Variants in PRICKLE2 observed in about 807,000 individuals in gnomAD.
The protein encoded by PRICKLE2 is prickle planar cell polarity protein 2.
A neutral mutation model predicts 81.4 loss-of-function variants in PRICKLE2; 21 were observed. The ratio of observed to expected loss-of-function variants is 0.26; its 90% confidence interval spans 0.18 to 0.37. The LOEUF (loss-of-function observed/expected upper bound fraction) is 0.37, where lower values mean the gene tolerates loss of function less well. PRICKLE2 is among the 10% of genes least tolerant of loss of function. PRICKLE2 has a pLI of 1.00. For missense variants in PRICKLE2, 940 were observed against 1,109.0 expected (o/e 0.85, Z 2.16); for synonymous variants, 456 against 421.5 (o/e 1.08, Z -1.00).
chr3:64,163,456 C>A (rs1412925477), intron 2 of PRICKLE2: 1 of 385,796 alleles, frequency 2.6e-6, no homozygotes, highest in Non-Finnish European at 4.9e-6. Context: ...CCCCTGAGAG[C>A]TGGCTTTACC....
rs1395083329 is a variant in PRICKLE2 at position 64,098,586 on chromosome 3, G to C, written c.*465C>G. ...AGTCCTACGATATAGAAATTCCTTT[G>C]ATATTACAAAATACAAAAATATTTT... is the stretch of plus-strand genomic sequence containing the variant. On this transcript the variant is annotated 3_prime_UTR_variant, in exon 8 of 8. Transcript: ENST00000638394. 1 of 175,588 alleles carries C rather than the reference G, an allele frequency of 5.7e-6. No homozygotes were observed. 10.9% of individuals were successfully genotyped at this position (175,588 alleles called of 1,614,324 possible).
At chr3:64,139,101 G>C (rs1259891271) in intron 7 of PRICKLE2, among the ~76,000 whole-genome samples, 2 of 152,160 alleles carry the variant, frequency 1.3e-5, no homozygotes, top group Non-Finnish European at 2.9e-5. Context: ...TTCCCAGTTT[G>C]TCAGCAATGC....
chr3:64,147,962 G>T lies in PRICKLE2; in HGVS notation c.788-260C>A, dbSNP rs954211881. On this transcript the variant is annotated intron_variant, in intron 6 of 7. Transcript: ENST00000638394. This position sits in a 1 kb window ranked among gnomAD's most constrained non-coding sequence, Gnocchi z 5.0. ...AAATGGCTTGTCTATGAATCCTTCT[G>T]CCTGGGACACATTTCCCCCTGACAA... 1.3e-5 allele frequency among the ~76,000 whole-genome samples: 2 copies of T among 152,174 alleles called. No homozygotes were observed. The highest frequency in any genetic ancestry group is 4.8e-5 in the African/African-American group (2 of 41,426).
intron 7 of PRICKLE2, among the ~76,000 whole-genome samples, chr3:64,141,265 A>G (rs558480344): frequency 4.4e-4 from 67 of 152,324 alleles, no homozygotes; most frequent in Non-Finnish European, 7.2e-4. Context: ...AGAATGCCCA[A>G]GTTTAAATTC....
chr3:64,260,598 A>T (rs890910833), intron 2 of PRICKLE2, among the ~76,000 whole-genome samples: 1 of 152,200 alleles, frequency 6.6e-6, no homozygotes, highest in Non-Finnish European at 1.5e-5. Flanking sequence ...ACCATGGCTT[A>T]TGGGTTTTCA....
intron 1 of PRICKLE2, among the ~76,000 whole-genome samples, chr3:64,215,800 A>T (rs4994608): frequency 0.53 from 81,311 of 152,146 alleles, 23,892 homozygotes; most frequent in Non-Finnish European, 0.65. Flanking sequence ...ATGTACCATA[A>T]CTATAGTGTA....
intron 4 of PRICKLE2, among the ~76,000 whole-genome samples, chr3:64,159,393 A>C (rs1156621609): frequency 5.9e-5 from 9 of 152,210 alleles, no homozygotes; most frequent in African/African-American, 2.2e-4. Context: ...TCTTTTTAAA[A>C]CATAAATCCA....
At chr3:64,265,492 G>A (rs2079688420) in intron 2 of PRICKLE2, among the ~76,000 whole-genome samples, 1 of 152,136 alleles carries the variant, frequency 6.6e-6, no homozygotes, top group South Asian at 2.1e-4. Flanking sequence ...TACTTTTCAG[G>A]AAAGATTAAG....
chr3:64,248,631 A>C (rs221988), intron 2 of PRICKLE2, among the ~76,000 whole-genome samples: 65,989 of 150,874 alleles, frequency 0.44, 15,818 homozygotes, highest in African/African-American at 0.63. Flanking sequence ...TTGATATCAT[A>C]TATTTAAACA....
intron 7 of PRICKLE2, among the ~76,000 whole-genome samples, chr3:64,131,510 CAT>C (rs1353484089): frequency 2.0e-5 from 3 of 152,142 alleles, no homozygotes; most frequent in Non-Finnish European, 2.9e-5. Flanking sequence ...TCTGTTTAGC[CAT>C]ATGTTTTCAA....
At chr3:64,144,436 G>A (rs909623351) in intron 7 of PRICKLE2, among the ~76,000 whole-genome samples, 15 of 152,212 alleles carry the variant, frequency 9.9e-5, no homozygotes, top group African/African-American at 3.4e-4. Context: ...TTGACACATT[G>A]CAAGAGCTAT....
chr3:64,125,264 A>G (rs1231250332), intron 7 of PRICKLE2, among the ~76,000 whole-genome samples: 1 of 152,222 alleles, frequency 6.6e-6, no homozygotes, highest in Non-Finnish European at 1.5e-5. Flanking sequence ...CTTGAAATAG[A>G]TTCTACTCCT....
intron 1 of PRICKLE2, among the ~76,000 whole-genome samples, chr3:64,208,276 G>A (rs945867045): frequency 3.3e-5 from 5 of 152,160 alleles, no homozygotes; most frequent in Admixed American, 1.3e-4. Flanking sequence ...AGATATTGCT[G>A]AGATAATCCT....
intron 2 of PRICKLE2, among the ~76,000 whole-genome samples, chr3:64,236,717 T>A (rs1290500731): frequency 1.3e-5 from 2 of 152,228 alleles, no homozygotes; most frequent in Non-Finnish European, 2.9e-5. Flanking sequence ...CTGTGTTTGA[T>A]CCTTGGGCTA....
At chr3:64,144,684 G>C (rs2077416526) in intron 7 of PRICKLE2, among the ~76,000 whole-genome samples, 1 of 152,220 alleles carries the variant, frequency 6.6e-6, no homozygotes, top group African/African-American at 2.4e-5. Flanking sequence ...AGCTATCAGT[G>C]GTGAAGGACC....
chr3:64,226,015 G>A (rs544084643), upstream of PRICKLE2, among the ~76,000 whole-genome samples: 1 of 151,848 alleles, frequency 6.6e-6, no homozygotes, highest in Non-Finnish European at 1.5e-5. Context: ...CTTTCCTCAC[G>A]TGCTTGGGTG....
chr3:64,226,350 CT>C (rs1370448462), upstream of PRICKLE2, among the ~76,000 whole-genome samples: 1 of 152,208 alleles, frequency 6.6e-6, no homozygotes, highest in African/African-American at 2.4e-5. Context: ...AGAAAGGAAT[CT>C]ATACATTTGG....
intron 7 of PRICKLE2, among the ~76,000 whole-genome samples, chr3:64,121,526 G>A (rs1179555839): frequency 8.4e-6 from 1 of 119,522 alleles, no homozygotes; most frequent in Non-Finnish European, 1.8e-5. Context: ...AGCCAAACTG[G>A]AGCCTAAGGC....
At chr3:64,165,035 T>G (rs2077805460) in intron 2 of PRICKLE2, among the ~76,000 whole-genome samples, 1 of 152,196 alleles carries the variant, frequency 6.6e-6, no homozygotes, top group Non-Finnish European at 1.5e-5. Context: ...CATCATTACT[T>G]TGTCATTCTC....
Sources: gnomAD v4.1 joint callset for allele counts (sites outside exome capture counted in the v4.1 genomes callset) on GRCh38, gnomAD v4.1.1 for gene constraint, Gnocchi (gnomAD v3.1) non-coding constraint, MANE v1.5 for transcripts, NCBI Gene and HGNC (gene_info 2026-07-23, HGNC 2026-07-21) for gene names.